The following CELF2 variants were observed in gnomAD, a reference collection of about 807,000 sequenced individuals.
CELF2 encodes CUG triplet repeat RNA-binding protein 2.
In CELF2, 8 loss-of-function variants were observed where a neutral mutation model predicts 62.6. That is an observed-to-expected ratio of 0.13 (90% confidence interval 0.07 to 0.23). The LOEUF is 0.23. Ranked by LOEUF, CELF2 falls within the 10% of genes least tolerant of loss-of-function variation. The pLI is 1.00. For synonymous variants in CELF2, 258 were observed against 250.0 expected (o/e 1.03, Z -0.30); for missense variants, 333 against 671.0 (o/e 0.50, Z 5.56).
chr10:11,014,545 G>C (rs576577686), upstream of CELF2, among the ~76,000 whole-genome samples: 29 of 152,078 alleles, frequency 1.9e-4, no homozygotes, highest in African/African-American at 7.0e-4. Context: ...TGAGGTGGCA[G>C]GAAAAGGGTT....
intron 1 of CELF2, among the ~76,000 whole-genome samples, chr10:11,123,768 C>G (rs1234096301): frequency 5.9e-5 from 9 of 151,782 alleles, no homozygotes; most frequent in Non-Finnish European, 2.9e-5. Flanking sequence ...TAAAGTCCTT[C>G]TAAGATGAAA....
At chr10:10,926,305 G>T (rs906453977) in intron 2 of CELF2, among the ~76,000 whole-genome samples, 1 of 152,188 alleles carries the variant, frequency 6.6e-6, no homozygotes. Context: ...AAAAGGGCTT[G>T]TGGGGGCAGA....
chr10:11,107,713 G>T (rs2053881448), intron 1 of CELF2, among the ~76,000 whole-genome samples: 1 of 151,598 alleles, frequency 6.6e-6, no homozygotes, highest in Non-Finnish European at 1.5e-5. Flanking sequence ...GTCAAGCCAG[G>T]TCTCCCCTTG....
chr10:10,936,292 C>G lies in CELF2; in HGVS notation c.89+16293C>G, dbSNP rs1041302140. 6.6e-6 allele frequency among the ~76,000 whole-genome samples: 1 copy of G among 152,176 alleles called. No individual in the cohort carries two copies. The highest frequency in any genetic ancestry group is 1.5e-5 in the Non-Finnish European group (1 of 68,032). Reference sequence around the variant, plus strand: ...AATCACATTTTAACATAAAGATTGTCCAAGATCACAGAGTAATCTGCATAA... The same window carrying G: ...AATCACATTTTAACATAAAGATTGTGCAAGATCACAGAGTAATCTGCATAA... On this transcript the variant is annotated intron_variant, in intron 2 of 13. Coordinates refer to the CELF2 transcript ENST00000636488. The surrounding 1 kb of genome is among the most constrained non-coding windows in gnomAD (Gnocchi z 4.0).
intron 1 of CELF2, among the ~76,000 whole-genome samples, chr10:10,859,341 T>C (rs2059927488): frequency 6.6e-6 from 1 of 152,162 alleles, no homozygotes; most frequent in Admixed American, 6.5e-5. Context: ...AGTGATTCAT[T>C]AGCCCCATTT....
the CELF2 span, among the ~76,000 whole-genome samples, chr10:10,666,949 A>G: frequency 1.2e-4 from 19 of 152,126 alleles, no homozygotes; most frequent in African/African-American, 4.3e-4. Flanking sequence ...TTTTGCACAC[A>G]CATTCACACA....
chr10:10,628,455 A>T, the CELF2 span, among the ~76,000 whole-genome samples: 937 of 152,204 alleles, frequency 6.2e-3, 12 homozygotes, highest in African/African-American at 0.022. Context: ...CCCAAAATGT[A>T]TGAAGTGGGG....
At chr10:10,747,564 G>A in the CELF2 span, among the ~76,000 whole-genome samples, 1 of 152,026 alleles carries the variant, frequency 6.6e-6, no homozygotes, top group Non-Finnish European at 1.5e-5. Context: ...GGATCATCAG[G>A]GATACAGAGC....
At position 11,207,546 on chromosome 10, in the gene CELF2, A is replaced by G. The variant is rs1158155953; in HGVS notation, c.272-9879A>G. ...GAGGAATCTTGCAGGGAAAGTGAGG[A>G]AGGATGTTGGTGGAGCATCGCACGA... is the stretch of plus-strand genomic sequence containing the variant. On this transcript the variant is annotated intron_variant, in intron 2 of 12. Transcript: ENST00000633077. The surrounding 1 kb of genome is among the most constrained non-coding windows in gnomAD (Gnocchi z 4.1). 6.6e-6 allele frequency among the ~76,000 whole-genome samples: 1 copy of G among 152,232 alleles called. No individual in the cohort carries two copies. The highest frequency in any genetic ancestry group is 1.5e-5 in the Non-Finnish European group (1 of 68,040).
chr10:10,737,571 G>A, the CELF2 span, among the ~76,000 whole-genome samples: 3 of 152,024 alleles, frequency 2.0e-5, no homozygotes, highest in African/African-American at 7.3e-5. Context: ...GAAGTCATTT[G>A]GAAAGCCTCC....
At chr10:10,885,319 G>A (rs1182072617) in intron 1 of CELF2, among the ~76,000 whole-genome samples, 1 of 151,890 alleles carries the variant, frequency 6.6e-6, no homozygotes, top group Non-Finnish European at 1.5e-5. Context: ...TAGTGTATAT[G>A]CTGGAGAAAA....
the CELF2 span, among the ~76,000 whole-genome samples, chr10:10,559,203 C>T: frequency 1.3e-5 from 2 of 152,118 alleles, no homozygotes; most frequent in Non-Finnish European, 2.9e-5. Flanking sequence ...TTCAAATCTC[C>T]TTCCTTCATC....
chr10:10,878,296 C>A (rs1463406189), intron 1 of CELF2, among the ~76,000 whole-genome samples: 3 of 152,218 alleles, frequency 2.0e-5, no homozygotes, highest in Non-Finnish European at 4.4e-5. Flanking sequence ...GGTTGAGGAG[C>A]CATCTCCCTG....
the CELF2 span, among the ~76,000 whole-genome samples, chr10:10,573,331 T>G: frequency 6.6e-6 from 1 of 152,218 alleles, no homozygotes; most frequent in Non-Finnish European, 1.5e-5. Context: ...ATAGTTTCTT[T>G]GGCTGTGCAG....
chr10:11,118,863 T>G (rs1454979701), intron 1 of CELF2, among the ~76,000 whole-genome samples: 3 of 152,206 alleles, frequency 2.0e-5, no homozygotes, highest in Non-Finnish European at 2.9e-5. Flanking sequence ...TCTATTTTGG[T>G]CCTGACCGAT....
chr10:11,047,749 C>T (rs1385740367), intron 1 of CELF2, among the ~76,000 whole-genome samples: 3 of 152,116 alleles, frequency 2.0e-5, no homozygotes, highest in African/African-American at 7.2e-5. Context: ...ACCTCAGTGC[C>T]TTTCCTGAAT....
intron 1 of CELF2, among the ~76,000 whole-genome samples, chr10:11,009,336 TGC>T (rs1422799569): frequency 2.0e-5 from 2 of 101,252 alleles, no homozygotes; most frequent in African/African-American, 1.6e-4. Flanking sequence ...TGTGTGTGTG[TGC>T]GCGTGTGTGT....
the CELF2 span, among the ~76,000 whole-genome samples, chr10:10,680,152 T>C: frequency 2.5e-4 from 38 of 149,946 alleles, no homozygotes; most frequent in East Asian, 5.2e-3. Flanking sequence ...TACGTATGTA[T>C]GTATGTATGT....
At chr10:11,162,294 G>A (rs1409196706) in intron 1 of CELF2, among the ~76,000 whole-genome samples, 1 of 152,216 alleles carries the variant, frequency 6.6e-6, no homozygotes, top group East Asian at 1.9e-4. Context: ...GGCAGCGCCA[G>A]GAGAGAGGTT....
Sources: allele counts gnomAD v4.1 joint callset (sites outside exome capture counted in the v4.1 genomes callset), GRCh38; gene constraint gnomAD v4.1.1; non-coding constraint Gnocchi (gnomAD v3.1); transcripts MANE v1.5; gene names NCBI Gene and HGNC (gene_info 2026-07-23, HGNC 2026-07-21).